Variants in SYT14 observed in about 807,000 individuals in gnomAD.
The protein encoded by SYT14 is synaptotagmin-14.
In SYT14, 32 loss-of-function variants were observed where a neutral mutation model predicts 74.2. The observed-to-expected ratio is 0.43, with a 90% confidence interval of 0.33 to 0.58. The LOEUF is 0.58. Among genes scored for constraint, SYT14 ranks in the 20% least tolerant of loss-of-function variants. The probability of loss-of-function intolerance (pLI) is 0.05; values close to 1 mark genes in which losing one functional copy is unlikely to be tolerated. For synonymous variants in SYT14, 298 were observed against 337.7 expected, an observed-to-expected ratio of 0.88 and a Z score of 1.29; for missense variants, 791 against 981.8, an observed-to-expected ratio of 0.81 and a Z score of 2.60.
At chr1:210,077,774 T>C (rs1175978157) in intron 5 of SYT14, among the ~76,000 whole-genome samples, 3 of 152,220 alleles carry the variant, frequency 2.0e-5, no homozygotes, top group Non-Finnish European at 4.4e-5. Context: ...TTATCATAGA[T>C]ATTTTAATGG....
chr1:209,978,913 C>A (rs1339982368), intron 2 of SYT14, among the ~76,000 whole-genome samples: 1 of 152,206 alleles, frequency 6.6e-6, no homozygotes, highest in Non-Finnish European at 1.5e-5. Context: ...GGCGGGCGCC[C>A]CTCCCCCAGC....
intron 2 of SYT14, among the ~76,000 whole-genome samples, chr1:209,993,546 C>T (rs113562855): frequency 2.0e-5 from 3 of 152,166 alleles, no homozygotes; most frequent in Non-Finnish European, 4.4e-5. Flanking sequence ...GGGGGCGACA[C>T]GCATGGGTTC....
chr1:210,077,526 C>G (rs2102467422), intron 5 of SYT14, among the ~76,000 whole-genome samples: 1 of 152,286 alleles, frequency 6.6e-6, no homozygotes, highest in South Asian at 2.1e-4. Flanking sequence ...CTTTTGGCTA[C>G]TATATGAGTA....
At chr1:209,987,811 A>G (rs1367741464) in intron 2 of SYT14, among the ~76,000 whole-genome samples, 1 of 152,074 alleles carries the variant, frequency 6.6e-6, no homozygotes, top group Non-Finnish European at 1.5e-5. Context: ...TCTATCTTTT[A>G]TTATTTCTGA....
intron 7 of SYT14, among the ~76,000 whole-genome samples, chr1:210,147,575 GTAA>G (rs1486839930): frequency 2.0e-5 from 3 of 152,146 alleles, no homozygotes; most frequent in Admixed American, 6.5e-5. Context: ...GTGCAGTAGT[GTAA>G]CATACTACAT....
chr1:210,055,932 A>G (rs1003582013), intron 5 of SYT14, among the ~76,000 whole-genome samples: 2 of 152,116 alleles, frequency 1.3e-5, no homozygotes, highest in African/African-American at 2.4e-5. Flanking sequence ...TAGGTGTTTT[A>G]CTTCTCACAG....
At chr1:210,053,264 A>T (rs1453516465) in intron 5 of SYT14, among the ~76,000 whole-genome samples, 3 of 152,216 alleles carry the variant, frequency 2.0e-5, no homozygotes, top group African/African-American at 7.2e-5. Context: ...ATGCACAGAG[A>T]TAGAAAAAGA....
chr1:210,096,152 C>A (rs1484630763), intron 6 of SYT14, among the ~76,000 whole-genome samples: 3 of 152,080 alleles, frequency 2.0e-5, no homozygotes, highest in Non-Finnish European at 4.4e-5. Flanking sequence ...ACAATTTGAC[C>A]AAGTAGAAGC....
intron 5 of SYT14, among the ~76,000 whole-genome samples, chr1:210,034,440 T>C (rs935439949): frequency 1.2e-4 from 18 of 151,652 alleles, no homozygotes; most frequent in African/African-American, 4.3e-4. Context: ...TAAATATATA[T>C]ACATATATTT....
rs141637028 is a variant in SYT14 at position 210,039,940 on chromosome 1, A to C, written c.1312+18686A>C. On this transcript the variant is annotated intron_variant, in intron 5 of 9. Coordinates refer to ENST00000637265, the Ensembl canonical transcript of SYT14. ...CTTTTACACTGTTGGTGGGAGTGTA[A>C]ATGCGTTCAACCATTGTGGAAGACA... 4.2e-3 allele frequency among the ~76,000 whole-genome samples: 633 copies of C among 152,234 alleles called. 2 individuals are homozygous for C. Among genetic ancestry groups the C allele is most frequent in the African/African-American group, 0.014 (578 of 41,536 alleles).
Position 210,098,466 on chromosome 1 carries a change from A to G in SYT14, c.1585-1546A>G, listed in dbSNP as rs2082005171. On this transcript the variant is annotated intron_variant, in intron 6 of 9. Coordinates refer to ENST00000637265, the Ensembl canonical transcript of SYT14. Reference sequence around the variant, plus strand: ...CTGTTTCTCTGCCTTCCCCTAGGGTATTGTCCTAGTCCACATGGTCTGAGC... The same window carrying G: ...CTGTTTCTCTGCCTTCCCCTAGGGTGTTGTCCTAGTCCACATGGTCTGAGC... 2.6e-5 allele frequency among the ~76,000 whole-genome samples: 4 copies of G among 152,224 alleles called. No individual in the cohort carries two copies. In the South Asian group the frequency reaches 8.3e-4, roughly 32 times the overall value.
intron 5 of SYT14, among the ~76,000 whole-genome samples, chr1:210,026,147 A>G (rs1391993882): frequency 6.6e-6 from 1 of 152,142 alleles, no homozygotes. Flanking sequence ...TTTTTCTAGA[A>G]AAAAGAAACA....
chr1:210,153,030 A>G (rs1164684706), intron 7 of SYT14, among the ~76,000 whole-genome samples: 1 of 152,148 alleles, frequency 6.6e-6, no homozygotes, highest in African/African-American at 2.4e-5. Flanking sequence ...CAAACTATCC[A>G]TTCTATTGCT....
At chr1:210,147,702 G>A (rs2083069854) in intron 7 of SYT14, among the ~76,000 whole-genome samples, 1 of 152,144 alleles carries the variant, frequency 6.6e-6, no homozygotes, top group Non-Finnish European at 1.5e-5. Flanking sequence ...AATACAATAA[G>A]TATAGGGTAT....
At chr1:210,068,863 G>A (rs2081343044) in intron 5 of SYT14, among the ~76,000 whole-genome samples, 1 of 151,456 alleles carries the variant, frequency 6.6e-6, no homozygotes, top group South Asian at 2.1e-4. Context: ...TCTTGAGCTG[G>A]ATGCTTACTT....
chr1:210,110,949 G>A (rs2082250785), intron 7 of SYT14, among the ~76,000 whole-genome samples: 1 of 152,152 alleles, frequency 6.6e-6, no homozygotes, highest in Non-Finnish European at 1.5e-5. Context: ...TCTCCATGTT[G>A]GTCAGGCTGG....
At chr1:210,117,959 C>G (rs1440215887) in intron 7 of SYT14, among the ~76,000 whole-genome samples, 1 of 152,178 alleles carries the variant, frequency 6.6e-6, no homozygotes, top group Non-Finnish European at 1.5e-5. Context: ...AATCCCTTCA[C>G]TGTCAGCAAC....
chr1:210,142,186 C>A (rs1397417424), intron 7 of SYT14, among the ~76,000 whole-genome samples: 2 of 152,216 alleles, frequency 1.3e-5, no homozygotes, highest in Non-Finnish European at 2.9e-5. Flanking sequence ...TTCTTCCCCC[C>A]TCCAGCATCT....
intron 5 of SYT14, among the ~76,000 whole-genome samples, chr1:210,078,540 CT>C (rs2081557049): frequency 6.6e-6 from 1 of 151,950 alleles, no homozygotes; most frequent in Non-Finnish European, 1.5e-5. Flanking sequence ...CTTAATGACT[CT>C]TTTCCCCCCA....
Sources: allele counts gnomAD v4.1 joint callset (sites outside exome capture counted in the v4.1 genomes callset), GRCh38; gene constraint gnomAD v4.1.1; transcripts MANE v1.5; gene names NCBI Gene and HGNC (gene_info 2026-07-23, HGNC 2026-07-21).